POFUT3: variants seen among roughly 807,000 people sequenced by gnomAD.
POFUT3 encodes the protein protein O-fucosyltransferase 3, also known as GDP-fucose protein O-fucosyltransferase 3.
At chr8:33,386,340 C>T in the POFUT3 span, among the ~76,000 whole-genome samples, 1 of 152,048 alleles carries the variant, frequency 6.6e-6, no homozygotes, top group Non-Finnish European at 1.5e-5. Context: ...TAATCATCTT[C>T]GCTGACCACC....
At chr8:33,455,734 C>T in the POFUT3 span, 3 of 447,584 alleles carry the variant, frequency 6.7e-6, no homozygotes, top group African/African-American at 4.0e-5. Context: ...CCCTGTGCAG[C>T]CCTCAGGTCC....
chr8:33,355,998 A>C, the POFUT3 span, among the ~76,000 whole-genome samples: 1 of 152,180 alleles, frequency 6.6e-6, no homozygotes, highest in Non-Finnish European at 1.5e-5. Flanking sequence ...AAAGGACATG[A>C]ACTCATCATT....
the POFUT3 span, among the ~76,000 whole-genome samples, chr8:33,365,268 T>C: frequency 2.2e-4 from 34 of 152,192 alleles, no homozygotes; most frequent in Admixed American, 3.3e-4. Context: ...TCAAGATGGA[T>C]TGAAGACTTA....
At chr8:33,355,943 T>C in the POFUT3 span, among the ~76,000 whole-genome samples, 3 of 152,180 alleles carry the variant, frequency 2.0e-5, no homozygotes, top group African/African-American at 7.2e-5. Flanking sequence ...GTTCTTGCGA[T>C]AGTTTACTGA....
At chr8:33,414,387 T>C in the POFUT3 span, among the ~76,000 whole-genome samples, 1 of 152,172 alleles carries the variant, frequency 6.6e-6, no homozygotes, top group Admixed American at 6.6e-5. Flanking sequence ...AAATATCATT[T>C]ACTACCCCTC....
chr8:33,353,147 G>T, the POFUT3 span, among the ~76,000 whole-genome samples: 1 of 152,184 alleles, frequency 6.6e-6, no homozygotes, highest in Non-Finnish European at 1.5e-5. Context: ...CCATATTCTG[G>T]TTAATACATG....
the POFUT3 span, among the ~76,000 whole-genome samples, chr8:33,456,856 C>A: frequency 2.0e-5 from 3 of 151,114 alleles, no homozygotes; most frequent in African/African-American, 2.4e-5. Flanking sequence ...GCAACCTCCA[C>A]CTCCCAGGTT....
At chr8:33,360,678 A>G in the POFUT3 span, among the ~76,000 whole-genome samples, 1 of 152,116 alleles carries the variant, frequency 6.6e-6, no homozygotes, top group South Asian at 2.1e-4. Flanking sequence ...CTTGGATGAT[A>G]AATTATAAGG....
At chr8:33,418,392 T>C in the POFUT3 span, among the ~76,000 whole-genome samples, 97 of 147,152 alleles carry the variant, frequency 6.6e-4, no homozygotes, top group Non-Finnish European at 8.6e-4. Context: ...CTGGTGATGA[T>C]GTGGGAAAAA....
chr8:33,379,452 G>C, the POFUT3 span, among the ~76,000 whole-genome samples: 2 of 151,170 alleles, frequency 1.3e-5, no homozygotes, highest in Non-Finnish European at 2.9e-5. Context: ...ACACTATCAA[G>C]AGCTAAAGCC....
the POFUT3 span, chr8:33,371,133 C>G: frequency 6.6e-6 from 1 of 152,160 alleles, no homozygotes; most frequent in Non-Finnish European, 1.5e-5. Flanking sequence ...CCAATCACTT[C>G]TTTTTGGATG....
At chr8:33,467,725 C>T in the POFUT3 span, among the ~76,000 whole-genome samples, 1 of 152,130 alleles carries the variant, frequency 6.6e-6, no homozygotes, top group African/African-American at 2.4e-5. Flanking sequence ...TAAAATAATT[C>T]CAAATTTTCA....
the POFUT3 span, among the ~76,000 whole-genome samples, chr8:33,380,113 A>C: frequency 1.4e-5 from 1 of 72,792 alleles, no homozygotes; most frequent in Admixed American, 2.0e-4. Context: ...TATATATACT[A>C]TATATATACA....
chr8:33,414,309 C>T, the POFUT3 span, among the ~76,000 whole-genome samples: 1 of 151,822 alleles, frequency 6.6e-6, no homozygotes, highest in African/African-American at 2.4e-5. Context: ...CACCTTTCCA[C>T]CACCTCCCCC....
chr8:33,437,767 T>A, the POFUT3 span, among the ~76,000 whole-genome samples: 8 of 151,682 alleles, frequency 5.3e-5, no homozygotes, highest in Non-Finnish European at 1.0e-4. Flanking sequence ...GCCAAGATCA[T>A]CCGCTGCACT....
the POFUT3 span, among the ~76,000 whole-genome samples, chr8:33,462,216 G>A: frequency 4.5e-5 from 5 of 111,178 alleles, no homozygotes; most frequent in African/African-American, 1.9e-4. Flanking sequence ...GCCCATCAGA[G>A]GAGAGTGACA....
chr8:33,342,246 A>G, the POFUT3 span, among the ~76,000 whole-genome samples: 4 of 152,170 alleles, frequency 2.6e-5, no homozygotes, highest in East Asian at 5.8e-4. Flanking sequence ...GGGCTCAGCT[A>G]CACAGGAGGC....
chr8:33,436,450 T>G, the POFUT3 span: 2 of 1,438,218 alleles, frequency 1.4e-6, no homozygotes, highest in Non-Finnish European at 2.0e-6. Context: ...GGGACTGATG[T>G]TGCCCACATG....
chr8:33,448,474 GCA>G, the POFUT3 span, among the ~76,000 whole-genome samples: 1 of 152,056 alleles, frequency 6.6e-6, no homozygotes, highest in African/African-American at 2.4e-5. Context: ...AGGTGAAGGA[GCA>G]CACAGTCAGG....
Sources: gnomAD v4.1 joint callset for allele counts (sites outside exome capture counted in the v4.1 genomes callset) on GRCh38, gnomAD v4.1.1 for gene constraint, MANE v1.5 for transcripts, NCBI Gene and HGNC (gene_info 2026-07-23, HGNC 2026-07-21) for gene names.